PTN: variants seen among roughly 807,000 people sequenced by gnomAD.
PTN encodes the protein heparin affin regulatory protein.
In PTN, 18 loss-of-function variants were observed where a neutral mutation model predicts 24.1. The observed-to-expected ratio is 0.75, with a 90% CI of 0.52 to 1.11. The LOEUF is 1.11. PTN is among the 50% of genes least tolerant of loss of function. The pLI is 0.00. For missense variants in PTN, 163 were observed against 198.8 expected, an observed-to-expected ratio of 0.82 and a Z score of 1.08; for synonymous variants, 78 against 68.6, an observed-to-expected ratio of 1.14 and a Z score of -0.67.
intron 4 of PTN, among the ~76,000 whole-genome samples, chr7:137,236,517 T>C (rs1808524315): frequency 6.6e-6 from 1 of 152,098 alleles, no homozygotes; most frequent in South Asian, 2.1e-4. Flanking sequence ...AAACCACAGA[T>C]GTGGATTTAA....
chr7:137,300,196 C>T (rs542098770), intron 1 of PTN, among the ~76,000 whole-genome samples: 4 of 151,866 alleles, frequency 2.6e-5, no homozygotes, highest in African/African-American at 4.8e-5. Flanking sequence ...ATCTTTTACC[C>T]CATTTGACTC....
At chr7:137,261,039 G>A (rs780390704) in intron 1 of PTN, among the ~76,000 whole-genome samples, 1 of 151,572 alleles carries the variant, frequency 6.6e-6, no homozygotes, top group Non-Finnish European at 1.5e-5. Flanking sequence ...TCAAGATTAT[G>A]AATTTGCTCT....
intron 4 of PTN, among the ~76,000 whole-genome samples, chr7:137,234,789 T>G (rs1200148937): frequency 6.6e-6 from 1 of 152,072 alleles, no homozygotes; most frequent in African/African-American, 2.4e-5. Flanking sequence ...TGGCCTGCTG[T>G]GTATACAGAA....
intron 4 of PTN, among the ~76,000 whole-genome samples, chr7:137,242,100 T>C (rs1198220658): frequency 3.3e-5 from 5 of 152,148 alleles, no homozygotes; most frequent in African/African-American, 1.2e-4. Flanking sequence ...AAAGAATCTA[T>C]TTAGCTGGGG....
At chr7:137,234,944 A>T (rs1400315242) in intron 4 of PTN, among the ~76,000 whole-genome samples, 4 of 152,064 alleles carry the variant, frequency 2.6e-5, no homozygotes, top group African/African-American at 4.8e-5. Flanking sequence ...TATTGATTAG[A>T]ATAGAAATAC....
chr7:137,323,803 G>T (rs1399894930), intron 1 of PTN, among the ~76,000 whole-genome samples: 2 of 152,126 alleles, frequency 1.3e-5, no homozygotes, highest in Non-Finnish European at 2.9e-5. Context: ...TCAGAGTCTG[G>T]GGTACTAGCT....
chr7:137,307,698 T>C (rs938975623), intron 1 of PTN, among the ~76,000 whole-genome samples: 10 of 152,128 alleles, frequency 6.6e-5, no homozygotes, highest in Admixed American at 1.3e-4. Flanking sequence ...GTTTTCCGTA[T>C]GTAATATGGC....
chr7:137,233,889 A>AACACACACACAC (rs113401589), intron 4 of PTN, among the ~76,000 whole-genome samples: 2 of 147,560 alleles, frequency 1.4e-5, no homozygotes, highest in Non-Finnish European at 3.0e-5. Flanking sequence ...AAACCAAAGA[A>AACACACACACAC]ACACACACAC....
At chr7:137,289,631 G>C (rs1039290253) in intron 1 of PTN, among the ~76,000 whole-genome samples, 3 of 152,150 alleles carry the variant, frequency 2.0e-5, no homozygotes, top group Non-Finnish European at 4.4e-5. Flanking sequence ...AAATTCTACT[G>C]GCTTTGAGAT....
At chr7:137,270,739 A>G (rs1189310050) in intron 1 of PTN, among the ~76,000 whole-genome samples, 3 of 152,214 alleles carry the variant, frequency 2.0e-5, no homozygotes, top group African/African-American at 7.2e-5. Context: ...TAACATGGAA[A>G]AAAATAGACG....
At chr7:137,290,387 G>T (rs1405833337) in intron 1 of PTN, among the ~76,000 whole-genome samples, 1 of 152,124 alleles carries the variant, frequency 6.6e-6, no homozygotes, top group Non-Finnish European at 1.5e-5. Context: ...GGTATTTCTG[G>T]TTAACTTGAA....
At chr7:137,279,455 C>A (rs923903813) in intron 1 of PTN, among the ~76,000 whole-genome samples, 1 of 152,048 alleles carries the variant, frequency 6.6e-6, no homozygotes, top group African/African-American at 2.4e-5. Context: ...CAGGTATGTT[C>A]ATAGAATTTC....
At chr7:137,307,215 C>G (rs1349249912) in intron 1 of PTN, among the ~76,000 whole-genome samples, 2 of 152,004 alleles carry the variant, frequency 1.3e-5, no homozygotes, top group African/African-American at 4.8e-5. Flanking sequence ...CTTGTCCCTC[C>G]TCATTGACTC....
At chr7:137,322,163 C>T (rs921567498) in intron 1 of PTN, among the ~76,000 whole-genome samples, 1 of 152,068 alleles carries the variant, frequency 6.6e-6, no homozygotes, top group Non-Finnish European at 1.5e-5. Flanking sequence ...TACTTATTTG[C>T]TTTTCCTTAA....
intron 4 of PTN, among the ~76,000 whole-genome samples, chr7:137,232,555 G>C (rs1457944099): frequency 6.6e-6 from 1 of 151,882 alleles, no homozygotes; most frequent in Non-Finnish European, 1.5e-5. Context: ...AAGGATTCAG[G>C]CTTCTTACAT....
chr7:137,332,314 A>G (rs1327304634), intron 1 of PTN, among the ~76,000 whole-genome samples: 1 of 152,022 alleles, frequency 6.6e-6, no homozygotes, highest in African/African-American at 2.4e-5. Context: ...ACGAACATGT[A>G]TTTTTCTAGA....
chr7:137,315,343 A>C (rs1416412308), intron 1 of PTN, among the ~76,000 whole-genome samples: 1 of 151,588 alleles, frequency 6.6e-6, no homozygotes, highest in African/African-American at 2.4e-5. Context: ...GTCCCAGAAC[A>C]CTTACACGAA....
At chr7:137,249,578 T>C (rs981799477) in intron 4 of PTN, among the ~76,000 whole-genome samples, 3 of 152,194 alleles carry the variant, frequency 2.0e-5, no homozygotes, top group Admixed American at 6.5e-5. Context: ...GTATTTATGC[T>C]GAATATTTTG....
intron 1 of PTN, among the ~76,000 whole-genome samples, chr7:137,260,653 A>G (rs777202355): frequency 1.2e-4 from 19 of 152,082 alleles, no homozygotes; most frequent in Non-Finnish European, 2.5e-4. Flanking sequence ...CATATTCCAG[A>G]TTTTGATGAT....
Sources: gnomAD v4.1 joint callset for allele counts (sites outside exome capture counted in the v4.1 genomes callset) on GRCh38, gnomAD v4.1.1 for gene constraint, MANE v1.5 for transcripts, NCBI Gene and HGNC (gene_info 2026-07-23, HGNC 2026-07-21) for gene names.